Variants in IL1RAPL1 observed in about 807,000 individuals in gnomAD.
IL1RAPL1 encodes the protein interleukin-1 receptor accessory protein-like 1.
A neutral mutation model predicts 48.4 loss-of-function variants in IL1RAPL1; 3 were observed. The ratio of observed to expected loss-of-function variants is 0.06; its 90% CI spans 0.03 to 0.16. The LOEUF is 0.16. IL1RAPL1 is among the 10% of genes least tolerant of loss of function. The pLI, the probability that IL1RAPL1 is intolerant of heterozygous loss-of-function variation, is 1.00. For synonymous variants in IL1RAPL1, 185 were observed against 187.7 expected, an observed-to-expected ratio of 0.99 and a Z score of 0.12; for missense variants, 349 against 530.6, an observed-to-expected ratio of 0.66 and a Z score of 3.36.
intron 6 of IL1RAPL1, among the ~76,000 whole-genome samples, chrX:29,841,053 G>A (rs1035519521): frequency 2.7e-5 from 3 of 111,537 alleles, no homozygotes; most frequent in Non-Finnish European, 5.6e-5. Flanking sequence ...AGGTGTCTGA[G>A]GTGTGCCCTA....
chrX:29,927,386 C>T (rs1457131918), intron 8 of IL1RAPL1, among the ~76,000 whole-genome samples: 1 of 112,023 alleles, frequency 8.9e-6, no homozygotes, highest in African/African-American at 3.2e-5. Context: ...TTAATTGCCT[C>T]ATTCTTTTTA....
chrX:29,394,056 C>T lies in IL1RAPL1; in HGVS notation c.363-2202C>T, dbSNP rs1933892540. On this transcript the variant is annotated intron_variant, in intron 3 of 10. Coordinates refer to ENST00000378993, the MANE Select transcript of IL1RAPL1 (RefSeq NM_014271.4). Reference sequence around the variant, plus strand: ...TTTTTATGCTGAAAGATTGACTCTACCTTTCATATACTCAACTGAGAAAAA... The same window carrying T: ...TTTTTATGCTGAAAGATTGACTCTATCTTTCATATACTCAACTGAGAAAAA... 2.7e-5 allele frequency among the ~76,000 whole-genome samples: 3 copies of T among 109,187 alleles called. No homozygotes were observed. The Admixed American group carries it at 3.0e-4, about 11-fold the overall frequency. 94.8% of individuals were successfully genotyped at this position (109,187 alleles called of 115,157 possible).
chrX:28,695,907 T>C (rs908889262), intron 1 of IL1RAPL1, among the ~76,000 whole-genome samples: 1 of 111,678 alleles, frequency 9.0e-6, no homozygotes, highest in Admixed American at 9.5e-5. Flanking sequence ...ATATGTAGAG[T>C]GTTTAATGTG....
chrX:28,609,617 A>G (rs1934123198), intron 1 of IL1RAPL1, among the ~76,000 whole-genome samples: 1 of 80,283 alleles, frequency 1.2e-5, no homozygotes, highest in Non-Finnish European at 2.3e-5. Flanking sequence ...ACTTCTCAGC[A>G]TGCATGTTCT....
intron 5 of IL1RAPL1, among the ~76,000 whole-genome samples, chrX:29,433,467 G>C (rs746944217): frequency 1.9e-4 from 21 of 110,588 alleles, no homozygotes; most frequent in Non-Finnish European, 5.7e-5. Context: ...ATATCATGTC[G>C]TATCACATTT....
chrX:28,604,598 G>A (rs1223978900), intron 1 of IL1RAPL1, among the ~76,000 whole-genome samples: 2 of 107,475 alleles, frequency 1.9e-5, no homozygotes, highest in South Asian at 4.2e-4. Context: ...GTGGTGGCAC[G>A]CACCTGTAGT....
intron 6 of IL1RAPL1, among the ~76,000 whole-genome samples, chrX:29,875,577 G>T (rs2147211801): frequency 9.0e-6 from 1 of 111,589 alleles, no homozygotes; most frequent in Admixed American, 9.6e-5. Context: ...ACTAAGGTTG[G>T]AGAACCATTG....
chrX:29,112,566 C>T (rs1928594376), intron 2 of IL1RAPL1, among the ~76,000 whole-genome samples: 1 of 108,446 alleles, frequency 9.2e-6, no homozygotes, highest in Non-Finnish European at 1.9e-5. Context: ...CTACCCTGGT[C>T]CTGTATCACA....
intron 2 of IL1RAPL1, among the ~76,000 whole-genome samples, chrX:28,890,113 C>T (rs187338617): frequency 3.1e-3 from 341 of 111,421 alleles, no homozygotes; most frequent in African/African-American, 0.011. Context: ...TCTTTAAAGG[C>T]CATGAAATCT....
chrX:29,883,921 A>C (rs1040909489), intron 6 of IL1RAPL1, among the ~76,000 whole-genome samples: 2 of 112,234 alleles, frequency 1.8e-5, no homozygotes, highest in Non-Finnish European at 1.9e-5. Context: ...GTACTCTGCA[A>C]CTATGATGAG....
At chrX:29,055,683 G>A (rs184018776) in intron 2 of IL1RAPL1, among the ~76,000 whole-genome samples, 1 of 111,833 alleles carries the variant, frequency 8.9e-6, no homozygotes, top group Non-Finnish European at 1.9e-5. Flanking sequence ...ACTAAAATTT[G>A]TAGGAGGATA....
At chrX:29,812,263 G>A (rs1930397214) in intron 6 of IL1RAPL1, among the ~76,000 whole-genome samples, 1 of 112,047 alleles carries the variant, frequency 8.9e-6, no homozygotes, top group African/African-American at 3.2e-5. Flanking sequence ...ATTAATGACT[G>A]TTACTTTGGA....
intron 2 of IL1RAPL1, among the ~76,000 whole-genome samples, chrX:28,998,195 TAAAAA>T (rs375090885): frequency 2.8e-5 from 3 of 105,800 alleles, no homozygotes; most frequent in African/African-American, 6.9e-5. Flanking sequence ...TTAATTGCCT[TAAAAA>T]AAAAAGTTTT....
intron 2 of IL1RAPL1, among the ~76,000 whole-genome samples, chrX:29,072,423 A>G (rs1377984047): frequency 8.9e-6 from 1 of 111,752 alleles, no homozygotes; most frequent in Non-Finnish European, 1.9e-5. Flanking sequence ...TCGTGAGGTC[A>G]ACTAATTTTG....
At chrX:29,517,395 C>T (rs892525380) in intron 5 of IL1RAPL1, among the ~76,000 whole-genome samples, 58 of 109,875 alleles carry the variant, frequency 5.3e-4, no homozygotes, top group Non-Finnish European at 8.7e-4. Flanking sequence ...TTTCAGCTAT[C>T]GACCTAAACA....
chrX:28,797,123 C>T (rs957065671), intron 2 of IL1RAPL1, among the ~76,000 whole-genome samples: 1 of 111,954 alleles, frequency 8.9e-6, no homozygotes, highest in Admixed American at 9.4e-5. Flanking sequence ...GCACCAGGTC[C>T]CTAGACTGCA....
At chrX:28,650,879 G>T (rs368567337) in intron 1 of IL1RAPL1, among the ~76,000 whole-genome samples, 23 of 111,828 alleles carry the variant, frequency 2.1e-4, no homozygotes, top group African/African-American at 7.1e-4. Context: ...TTTATAGATG[G>T]TTAAAAATGT....
At chrX:28,693,226 G>A (rs977029106) in intron 1 of IL1RAPL1, among the ~76,000 whole-genome samples, 2 of 111,926 alleles carry the variant, frequency 1.8e-5, no homozygotes, top group Non-Finnish European at 3.8e-5. Flanking sequence ...GGTGAGAACT[G>A]ATGTCATCTT....
intron 5 of IL1RAPL1, among the ~76,000 whole-genome samples, chrX:29,655,653 A>C (rs1200227836): frequency 1.2e-5 from 1 of 84,773 alleles, no homozygotes; most frequent in Non-Finnish European, 2.3e-5. Context: ...ACAGTCTCCA[A>C]AAAAAAAAAA....
Sources: allele counts gnomAD v4.1 joint callset (sites outside exome capture counted in the v4.1 genomes callset), GRCh38; gene constraint gnomAD v4.1.1; transcripts MANE v1.5; gene names NCBI Gene and HGNC (gene_info 2026-07-23, HGNC 2026-07-21).